SGTA: variants seen among roughly 807,000 people sequenced by gnomAD.
The protein encoded by SGTA is small glutamine-rich tetratricopeptide repeat-containing protein alpha.
In SGTA, 22 loss-of-function variants were observed where a neutral mutation model predicts 44.3. The observed-to-expected ratio is 0.50, with a 90% confidence interval of 0.36 to 0.71. The LOEUF (loss-of-function observed/expected upper bound fraction) is 0.71, where lower values mean the gene tolerates loss of function less well. SGTA is among the 30% of genes least tolerant of loss of function. SGTA has a pLI of 0.00. For synonymous variants in SGTA, 174 were observed against 177.6 expected (o/e 0.98, Z 0.16); for missense variants, 341 against 435.9 (o/e 0.78, Z 1.94).
At chr19:2,779,857 G>C (rs1915531345) in intron 1 of SGTA, among the ~76,000 whole-genome samples, 1 of 152,156 alleles carries the variant, frequency 6.6e-6, no homozygotes. Context: ...AGAATCGCTT[G>C]AGTCCAGGTG....
In SGTA at chr19:2,765,025, G is replaced by A. The variant is rs907025581; in HGVS notation, c.392+161C>T. Among the ~76,000 whole-genome samples the A allele has an allele frequency of 4.6e-5, 7 of 152,046 alleles. No individual in the cohort carries two copies. The highest frequency in any genetic ancestry group is 7.4e-5 in the Non-Finnish European group (5 of 68,020). ...ATCAGCATCGACTCTCCCCGACCCC[G>A]TTGCTGGTCACCTGATGCTCGCTCC... On this transcript the variant is annotated intron_variant, in intron 5 of 11. Coordinates refer to ENST00000221566, the MANE Select transcript of SGTA (RefSeq NM_003021.4). This position sits in a 1 kb window ranked among gnomAD's most constrained non-coding sequence, Gnocchi z 5.5.
chr19:2,760,616 G>A (rs1434897548), intron 8 of SGTA, among the ~76,000 whole-genome samples: 5 of 151,742 alleles, frequency 3.3e-5, no homozygotes, highest in Non-Finnish European at 5.9e-5. Flanking sequence ...GGGAAAAGGC[G>A]TCTGTGACAT....
rs1914982692 is a variant in SGTA at position 2,761,362 on chromosome 19, G to T, written c.699+98C>A. 2 of 1,163,458 alleles carry T rather than the reference G, an allele frequency of 1.7e-6. No homozygotes were observed. The highest frequency in any genetic ancestry group is 1.2e-6 in the Non-Finnish European group (1 of 802,816). The allele number at this position is 1,163,458 out of a possible 1,614,324, so 72.1% of individuals were successfully genotyped here. ...CCATCTGGTTCCAGAAGCCAGCAGT[G>T]CCAAGGCAAGGAAGCCCTGGCCAGT... On this transcript the variant is annotated intron_variant, in intron 8 of 11. Transcript: ENST00000221566. The surrounding 1 kb of genome is among the most constrained non-coding windows in gnomAD (Gnocchi z 5.7).
At position 2,757,360 on chromosome 19, in the gene SGTA, C is replaced by T. The variant is rs772739224; in HGVS notation, c.925G>A (p.Asp309Asn). 8 of 1,603,674 alleles carry T rather than the reference C, an allele frequency of 5.0e-6. No individual in the cohort carries two copies. Among genetic ancestry groups the T allele is most frequent in the African/African-American group, 4.0e-5 (3 of 74,928 alleles). Residue 309 changes from aspartate to asparagine, a missense_variant, in exon 11 of 12, where the codon GAC becomes AAC. Physicochemically the swap from Asp to Asn is conservative, Grantham distance 23. Transcript: ENST00000221566. ...IRSRTPSASN[D>N]DQQE ...ACGCAGCGTCACTCCTGCTGGTCGT[C>T]GTTGCTGGCGCTGGGCGTCCGACTC...
In SGTA at chr19:2,767,645, C is replaced by T. The variant is rs1345162727; in HGVS notation, c.142G>A (p.Glu48Lys). ...CLETAFGVTV[E>K]DSDLALPQTL... ...TGAGGGAGCGCAAGGTCACTGTCTT[C>T]TACCGTCACCCCAAACGCAGTCTCC... The change falls in exon 3 of 12, where the codon GAA becomes AAA. Residue 48 changes from glutamate to lysine, a missense_variant. Glu to Lys is a moderately conservative substitution (Grantham distance 56, BLOSUM62 1). Coordinates refer to ENST00000221566, the MANE Select transcript of SGTA (RefSeq NM_003021.4). This position sits in a 1 kb window ranked among gnomAD's most constrained non-coding sequence, Gnocchi z 7.3. 6.2e-7 allele frequency: 1 copy of T among 1,613,790 alleles called. No individual in the cohort carries two copies. Among genetic ancestry groups the T allele is most frequent in the East Asian group, 2.2e-5 (1 of 44,882 alleles).
Position 2,763,907 on chromosome 19 carries a change from A to G in SGTA, c.393-150T>C. On this transcript the variant is annotated intron_variant, in intron 5 of 11. Transcript: ENST00000221566. The surrounding 1 kb of genome is among the most constrained non-coding windows in gnomAD (Gnocchi z 5.8). ...ATCTGTAAAATGGGGCTGATGGGGA[A>G]AGCTGAGAGGTGTGGCCACTGAGAT... The G allele has an allele frequency of 1.6e-6, 1 of 626,100 alleles. No homozygotes were observed. The highest frequency in any genetic ancestry group is 2.8e-6 in the Non-Finnish European group (1 of 357,812). 38.8% of individuals were successfully genotyped at this position (626,100 alleles called of 1,614,324 possible). A position where few individuals can be genotyped will look rare whatever the true frequency, so the allele number is the denominator to read the frequency against.
At chr19:2,770,543 G>A (rs1915277329) in intron 1 of SGTA, 1 of 153,160 alleles carries the variant, frequency 6.5e-6, no homozygotes, top group Non-Finnish European at 1.5e-5. Context: ...ACATTCAGAT[G>A]TAACAAGCTG....
chr19:2,773,831 G>A (rs867483185), intron 1 of SGTA, among the ~76,000 whole-genome samples: 48 of 54,554 alleles, frequency 8.8e-4, no homozygotes, highest in African/African-American at 3.9e-3. Flanking sequence ...GAGGGCAGAG[G>A]TGGGTGACGC....
At position 2,767,045 on chromosome 19, in the gene SGTA, G is replaced by T. The variant is rs1227190699; in HGVS notation, c.292+91C>A. On this transcript the variant is annotated intron_variant, in intron 4 of 11. Transcript: ENST00000221566. The surrounding 1 kb of genome is among the most constrained non-coding windows in gnomAD (Gnocchi z 7.3). ...CAGGGCAATTCCCTCAGCTCCCTGG[G>T]CCCCAGGGACCAGCTGGCCTCTGCG... 2.1e-6 allele frequency: 2 copies of T among 931,528 alleles called. No homozygotes were observed. The highest frequency in any genetic ancestry group is 1.4e-5 in the South Asian group (1 of 71,502). 57.7% of individuals were successfully genotyped at this position (931,528 alleles called of 1,614,324 possible).
At chr19:2,781,738 C>T (rs922003928) in intron 1 of SGTA, among the ~76,000 whole-genome samples, 2 of 152,148 alleles carry the variant, frequency 1.3e-5, no homozygotes, top group Admixed American at 1.3e-4. Flanking sequence ...GTACCCATTT[C>T]TCTCTGCACG....
intron 5 of SGTA, among the ~76,000 whole-genome samples, chr19:2,764,236 C>A (rs1008522070): frequency 6.6e-6 from 1 of 152,190 alleles, no homozygotes; most frequent in South Asian, 2.1e-4. Context: ...TACCCCATGA[C>A]AGGCGGCCAG....
intron 1 of SGTA, among the ~76,000 whole-genome samples, chr19:2,779,557 G>A (rs1303853904): frequency 2.6e-5 from 4 of 152,200 alleles, no homozygotes; most frequent in African/African-American, 9.6e-5. Flanking sequence ...CTCAAAGAAG[G>A]CCTGCTGTGT....
At position 2,762,742 on chromosome 19, in the gene SGTA, C is replaced by T. The variant is rs1395967475; in HGVS notation, c.498-98G>A. ...CCGGCGGTCCTGGCAACCCCCAAAC[C>T]ACCTCGGATGGTGCCACCCCCTGCC... On this transcript the variant is annotated intron_variant, in intron 6 of 11. Transcript: ENST00000221566. The T allele has an allele frequency of 6.9e-6, 10 of 1,441,560 alleles. No homozygotes were observed. The African/African-American group carries it at 1.4e-4, about 20-fold the overall frequency. The allele number at this position is 1,441,560 out of a possible 1,614,324, so 89.3% of individuals were successfully genotyped here.
intron 1 of SGTA, 62 bp downstream of exon 1, chr19:2,783,171 C>G (rs1488087964): frequency 3.9e-5 from 6 of 152,280 alleles, no homozygotes; most frequent in Admixed American, 6.5e-5. Flanking sequence ...GCTTTGGGGC[C>G]CCGTGGGCCC....
chr19:2,756,620 G>C (rs1914825040), intron 11 of SGTA, among the ~76,000 whole-genome samples: 1 of 152,052 alleles, frequency 6.6e-6, no homozygotes, highest in African/African-American at 2.4e-5. Flanking sequence ...ACACCTCTGG[G>C]GAGGCCCGGA....
In SGTA at chr19:2,768,057, T is replaced by C. The variant is rs940434020; in HGVS notation, c.101-371A>G. Among the ~76,000 whole-genome samples the C allele has an allele frequency of 2.6e-5, 4 of 151,996 alleles. No individual in the cohort carries two copies. In the East Asian group the frequency reaches 7.8e-4, roughly 29 times the overall value. On this transcript the variant is annotated intron_variant, in intron 2 of 11. Coordinates refer to ENST00000221566, the MANE Select transcript of SGTA (RefSeq NM_003021.4). ...GAGGTGCCCCGGATGCTGTTGCACC[T>C]CCAAGGGCGCCTGGCCTGAGTAAGG... is the stretch of plus-strand genomic sequence containing the variant.
At chr19:2,782,661 A>T (rs773991116) in intron 1 of SGTA, 3 of 152,216 alleles carry the variant, frequency 2.0e-5, no homozygotes, top group Non-Finnish European at 4.4e-5. Context: ...AGAAGACTCT[A>T]AACATGATAT....
At chr19:2,775,217 C>A (rs905702526) in intron 1 of SGTA, among the ~76,000 whole-genome samples, 1 of 152,248 alleles carries the variant, frequency 6.6e-6, no homozygotes, top group East Asian at 1.9e-4. Flanking sequence ...CGGCAGGATC[C>A]GCGCCCGGCA....
intron 9 of SGTA, 122 bp from the exon 10 acceptor site, chr19:2,757,904 T>C (rs1914874729): frequency 1.6e-6 from 1 of 634,176 alleles, no homozygotes; most frequent in East Asian, 3.1e-5. Flanking sequence ...CAGGAGAGGA[T>C]TCTCTCTCAC....
Sources: gnomAD v4.1 joint callset for allele counts (sites outside exome capture counted in the v4.1 genomes callset) on GRCh38, gnomAD v4.1.1 for gene constraint, Gnocchi (gnomAD v3.1) non-coding constraint, MANE v1.5 for transcripts, NCBI Gene and HGNC (gene_info 2026-07-23, HGNC 2026-07-21) for gene names.